The following CTSW variants were observed in gnomAD, a reference collection of about 807,000 sequenced individuals.
CTSW encodes lymphopain.
CTSW carries 42 observed loss-of-function variants against 43.8 expected under a neutral mutation model. That is an observed-to-expected ratio of 0.96 (90% CI 0.75 to 1.24). The LOEUF (loss-of-function observed/expected upper bound fraction) is 1.24. Among genes scored for constraint, CTSW ranks in the 50% most tolerant of loss-of-function variants. The pLI is 0.00. For missense variants in CTSW, 475 were observed against 479.9 expected (o/e 0.99, Z 0.09); for synonymous variants, 191 against 184.8 (o/e 1.03, Z -0.27).
chr11:65,881,318 G>A (rs1289798589), intron 2 of CTSW, 89 bp from the exon 3 acceptor site: 1 of 758,450 alleles, frequency 1.3e-6, no homozygotes, highest in East Asian at 3.0e-5. Context: ...TCAACTGGGT[G>A]GGTGTGGGTG....
Position 65,882,853 on chromosome 11 carries a change from CAGA to C in CTSW, c.697_699del (p.Lys233del), listed in dbSNP as rs1215877699. ...CCACAGGTGCCACCCCAAGAAGTAC[CAGA>C]AGGTGGCCTGGATCCAGGACTTCAT... On this transcript the variant is annotated inframe_deletion, in exon 7 of 10. Coordinates refer to ENST00000307886, the MANE Select transcript of CTSW (RefSeq NM_001335.4). 22 of 1,614,132 alleles carry C rather than the reference CAGA, an allele frequency of 1.4e-5. No individual in the cohort carries two copies. The highest frequency in any genetic ancestry group is 1.9e-5 in the Non-Finnish European group (22 of 1,180,026).
chr11:65,881,435 C>T lies in CTSW; in HGVS notation c.201C>T (p.Ala67=). Residue 67 remains alanine (A), a synonymous_variant, in exon 3 of 10, where the codon GCC becomes GCT. Coordinates refer to ENST00000307886, the MANE Select transcript of CTSW (RefSeq NM_001335.4). ...EEHAHRLDIF[A]HNLAQAQRLQ... ...ATGCTCACCGCCTGGACATCTTTGCCCACAACCTGGCCCAGGCTCAGAGGC... is the reference window on the plus strand; with the variant it reads ...ATGCTCACCGCCTGGACATCTTTGCTCACAACCTGGCCCAGGCTCAGAGGC... 1 of 1,608,708 alleles carries T rather than the reference C, an allele frequency of 6.2e-7. No homozygotes were observed. The highest frequency in any genetic ancestry group is 1.1e-5 in the South Asian group (1 of 90,116).
chr11:65,882,445 T>C lies in CTSW; in HGVS notation c.457T>C (p.Cys153Arg). 1 of 1,614,190 alleles carries C rather than the reference T, an allele frequency of 6.2e-7. No individual in the cohort carries two copies. The highest frequency in any genetic ancestry group is 8.5e-7 in the Non-Finnish European group (1 of 1,180,030). The change falls in exon 5 of 10, where the codon TGC becomes CGC. Residue 153 changes from cysteine to arginine, a missense_variant. By Grantham distance (180) the Cys-to-Arg change is radical (BLOSUM62 -3). Coordinates refer to ENST00000307886, the MANE Select transcript of CTSW (RefSeq NM_001335.4). ...PIKDQKNCNC[C>R]WAMAAAGNIE... ...CGCCCTCCAGAAAAACTGCAACTGCTGCTGGGCCATGGCAGCGGCAGGCAA... is the reference window on the plus strand; with the variant it reads ...CGCCCTCCAGAAAAACTGCAACTGCCGCTGGGCCATGGCAGCGGCAGGCAA...
At chr11:65,882,736 T>C (rs753051901) in intron 6 of CTSW, 43 bp from the exon 7 acceptor site, 12 of 1,613,970 alleles carry the variant, frequency 7.4e-6, no homozygotes, top group Non-Finnish European at 1.0e-5. Context: ...GGGGACAGGG[T>C]GGGCAGGAGC....
In CTSW at chr11:65,882,680, C is replaced by T. The variant is rs1173339679; in HGVS notation, c.610C>T (p.Leu204Phe). The change falls in exon 6 of 10, where the codon CTC becomes TTC. Residue 204 changes from leucine (L) to phenylalanine (F), a missense_variant. Coordinates refer to ENST00000307886, the MANE Select transcript of CTSW (RefSeq NM_001335.4). Reference protein sequence around the residue: ...GFVWDAFITVLNNSGLASEKD... With the variant: ...GFVWDAFITVFNNSGLASEKD... ...CGTCTGGGACGCGTTCATAACTGTC[C>T]TCAACAACAGTGAGTGCACTGCCCC... 3 of 1,614,020 alleles carry T rather than the reference C, an allele frequency of 1.9e-6. No individual in the cohort carries two copies. The East Asian group carries it at 6.7e-5, about 36-fold the overall frequency.
intron 3 of CTSW, 151 bp from the exon 4 acceptor site, chr11:65,882,024 G>A: frequency 1.2e-6 from 1 of 862,652 alleles, no homozygotes. Flanking sequence ...GCCTCCCAAA[G>A]TGCTGGGATT....
Position 65,882,899 on chromosome 11 carries a change from A to G in CTSW, c.740A>G (p.Glu247Gly). The stretch of plus-strand genomic sequence containing the variant: ...GACTTCATCATGCTGCAGAACAACG[A>G]GCACAGTGCGGGCAGGGCAGGGACA... Reference protein sequence around the residue: ...IQDFIMLQNNEHRIAQYLATY... With the variant: ...IQDFIMLQNNGHRIAQYLATY... The change falls in exon 7 of 10, where the codon GAG (glutamate) becomes GGG (glycine). Residue 247 changes from glutamate to glycine, a missense_variant. Coordinates refer to ENST00000307886, the MANE Select transcript of CTSW (RefSeq NM_001335.4). 1 of 1,613,976 alleles carries G rather than the reference A, an allele frequency of 6.2e-7. No individual in the cohort carries two copies. Among genetic ancestry groups the G allele is most frequent in the Non-Finnish European group, 8.5e-7 (1 of 1,180,014 alleles).
In CTSW at chr11:65,879,877, C is replaced by T. The variant is rs368947960; in HGVS notation, c.23C>T (p.Ser8Phe). The change falls in exon 1 of 10, where the codon TCC becomes TTC. Residue 8 changes from serine (S) to phenylalanine (F), a missense_variant. Transcript: ENST00000307886. ...GGCATGGCACTGACTGCCCACCCCT[C>T]CTGCCTCCTGGCCCTGTTGGTGGCA... MALTAHP[S>F]CLLALLVAGL... The T allele has an allele frequency of 6.8e-6, 11 of 1,613,750 alleles. No homozygotes were observed. In the African/African-American group the frequency reaches 1.3e-4, roughly 20 times the overall value.
In CTSW at chr11:65,883,651, G is replaced by A; in HGVS notation, c.*33G>A. ...TGGCCCCCTCAGCTCTGTCCTGTTA[G>A]GCCAACTGCCTCCTTGCCAGCCCCA... On this transcript the variant is annotated 3_prime_UTR_variant, in exon 10 of 10. Transcript: ENST00000307886. The A allele has an allele frequency of 6.3e-7, 1 of 1,584,984 alleles. No homozygotes were observed. Among genetic ancestry groups the A allele is most frequent in the Non-Finnish European group, 8.7e-7 (1 of 1,156,034 alleles).
intron 8 of CTSW, 21 bp downstream of exon 8, chr11:65,883,154 G>A: frequency 6.2e-7 from 1 of 1,613,970 alleles, no homozygotes; most frequent in Non-Finnish European, 8.5e-7. Flanking sequence ...GGAGCTGATG[G>A]GGAAGGGGCA....
chr11:65,880,185 C>T lies in CTSW; in HGVS notation c.88-17C>T, dbSNP rs374721531. 13 of 1,610,896 alleles carry T rather than the reference C, an allele frequency of 8.1e-6. No homozygotes were observed. In the African/African-American group the frequency reaches 9.4e-5, roughly 12 times the overall value. On this transcript the variant is annotated splice_polypyrimidine_tract_variant and intron_variant, in intron 1 of 9. Transcript: ENST00000307886. ...TCCTCTGCCCACTGCCCCTCTCCACCCTTGGTTCCTTGCCAGGACCTAGGT... is the reference window on the plus strand; with the variant it reads ...TCCTCTGCCCACTGCCCCTCTCCACTCTTGGTTCCTTGCCAGGACCTAGGT...
chr11:65,880,814 T>G (rs1209069408), intron 2 of CTSW, among the ~76,000 whole-genome samples: 1 of 152,174 alleles, frequency 6.6e-6, no homozygotes, highest in African/African-American at 2.4e-5. Flanking sequence ...TAGTCCTACG[T>G]GATCCCCTGG....
In CTSW at chr11:65,881,424, G is replaced by C. The variant is rs141204630; in HGVS notation, c.190G>C (p.Asp64His). 4.2e-5 allele frequency: 68 copies of C among 1,604,952 alleles called. No individual in the cohort carries two copies. Among genetic ancestry groups the C allele is most frequent in the Non-Finnish European group, 5.5e-5 (65 of 1,175,192 alleles). ...LSPEEHAHRLDIFAHNLAQAQ... is the reference protein window; with the variant it reads ...LSPEEHAHRLHIFAHNLAQAQ... ...TGGTCCAGAGCATGCTCACCGCCTG[G>C]ACATCTTTGCCCACAACCTGGCCCA... Residue 64 changes from aspartate (D) to histidine (H), a missense_variant, in exon 3 of 10, where the codon GAC (aspartate) becomes CAC (histidine). By Grantham distance (81) the Asp-to-His change is moderately conservative (BLOSUM62 -1). Coordinates refer to ENST00000307886, the MANE Select transcript of CTSW (RefSeq NM_001335.4).
At chr11:65,882,382 G>A in intron 4 of CTSW, 48 bp from the exon 5 acceptor site, 1 of 1,613,746 alleles carries the variant, frequency 6.2e-7, no homozygotes, top group Non-Finnish European at 8.5e-7. Flanking sequence ...GGGAGGGAGA[G>A]GGGCACGGCC....
At chr11:65,882,383 GGGCAC>G in intron 4 of CTSW, 42 bp from the exon 5 acceptor site, 1 of 1,613,754 alleles carries the variant, frequency 6.2e-7, no homozygotes, top group Non-Finnish European at 8.5e-7. Context: ...GGAGGGAGAG[GGGCAC>G]GGCCCGAACA....
rs746222380 is a variant in CTSW at position 65,883,372 on chromosome 11, C to G, written c.968C>G (p.Pro323Arg). The change falls in exon 9 of 10, where the codon CCC (proline) becomes CGC (arginine). Residue 323 changes from proline (P) to arginine (R), a missense_variant. Coordinates refer to ENST00000307886, the MANE Select transcript of CTSW (RefSeq NM_001335.4). ...CAGTCTCAGCCTCAGCCTCCACACC[C>G]CACCCCATACTGGATCCTGAAGAAC... ...SSQSQPQPPH[P>R]TPYWILKNSW... is the part of the protein sequence containing the mutation. The G allele has an allele frequency of 1.1e-5, 18 of 1,614,112 alleles. No individual in the cohort carries two copies. Among genetic ancestry groups the G allele is most frequent in the Non-Finnish European group, 1.4e-5 (17 of 1,180,012 alleles).
Position 65,881,518 on chromosome 11 carries a change from CA to C in CTSW, c.285del (p.Glu96ArgfsTer24). On this transcript the variant is annotated frameshift_variant and splice_region_variant, in exon 3 of 10. Transcript: ENST00000307886. LOFTEE classifies it high-confidence loss of function. ...EFGVTPFSDL[T>X]EEEFGQLYGY... ...GGGGTGACTCCATTCAGTGACCTCA[CA>C]GGTACCATTAACCCTTCTGGCTCGT... 2 of 1,598,916 alleles carry C rather than the reference CA, an allele frequency of 1.3e-6. No homozygotes were observed. Among genetic ancestry groups the C allele is most frequent in the Non-Finnish European group, 1.7e-6 (2 of 1,170,250 alleles).
Position 65,882,549 on chromosome 11 carries a change from G to A in CTSW, c.538+23G>A, listed in dbSNP as rs765122797. The A allele has an allele frequency of 1.7e-5, 27 of 1,613,940 alleles. No homozygotes were observed. In the East Asian group the frequency reaches 3.6e-4, roughly 21 times the overall value. ...AGGGTAGGGTTGGGAGAGGGTGCGC[G>A]TGTGACAGGGGAGGGAGGCCTAGGG... On this transcript the variant is annotated intron_variant, in intron 5 of 9. Transcript: ENST00000307886.
rs1328153434 is a variant in CTSW at position 65,881,180 on chromosome 11, G to A, written c.173-227G>A. 2.0e-5 allele frequency among the ~76,000 whole-genome samples: 3 copies of A among 152,122 alleles called. No homozygotes were observed. The East Asian group carries it at 5.8e-4, about 29-fold the overall frequency. ...GACCCCTTGCCTGGCTTCCCACCTA[G>A]GGTGGCCAGAGATGGTCCTCTGGCT... On this transcript the variant is annotated intron_variant, in intron 2 of 9. Transcript: ENST00000307886.
Sources: allele counts gnomAD v4.1 joint callset (sites outside exome capture counted in the v4.1 genomes callset), GRCh38; gene constraint gnomAD v4.1.1; transcripts MANE v1.5; gene names NCBI Gene and HGNC (gene_info 2026-07-23, HGNC 2026-07-21).